DNAJC18: variants seen among roughly 807,000 people sequenced by gnomAD.
DNAJC18 encodes the protein DnaJ heat shock protein family (Hsp40) member C18.
Under a neutral mutation model 48.6 loss-of-function variants are expected in DNAJC18, and 40 were observed. The observed-to-expected ratio is 0.82, with a 90% CI of 0.64 to 1.07. The LOEUF (loss-of-function observed/expected upper bound fraction) is 1.07. Ranked by LOEUF, DNAJC18 falls within the 50% of genes least tolerant of loss-of-function variation. The pLI is 0.00. For missense variants in DNAJC18, 340 were observed against 427.7 expected, an observed-to-expected ratio of 0.79 and a Z score of 1.81; for synonymous variants, 135 against 152.2, an observed-to-expected ratio of 0.89 and a Z score of 0.83.
intron 2 of DNAJC18, among the ~76,000 whole-genome samples, chr5:139,435,704 A>ATTTTTTTTTTTTTTTTT (rs1561470246): frequency 9.9e-5 from 2 of 20,138 alleles, no homozygotes; most frequent in African/African-American, 2.4e-4. Flanking sequence ...CTTCATTGGA[A>ATTTTTTTTTTTTTTTTT]GTTTTTTTTT....
chr5:139,428,834 T>A, intron 2 of DNAJC18, 151 bp from the exon 3 acceptor site: 1 of 988,964 alleles, frequency 1.0e-6, no homozygotes, highest in Non-Finnish European at 1.4e-6. Context: ...TCAAATTCAT[T>A]AACAATGTCC....
intron 7 of DNAJC18, among the ~76,000 whole-genome samples, chr5:139,415,696 T>A (rs755954535): frequency 6.6e-6 from 1 of 152,238 alleles, no homozygotes; most frequent in Non-Finnish European, 1.5e-5. Flanking sequence ...GGCTCGGCAC[T>A]AACTCCAATC....
intron 2 of DNAJC18, 125 bp from the exon 3 acceptor site, chr5:139,428,808 C>G: frequency 8.7e-7 from 1 of 1,152,340 alleles, no homozygotes; most frequent in African/African-American, 1.6e-5. Flanking sequence ...AATTAGTGCA[C>G]ACGTTAATGA....
rs549053712 is a variant in DNAJC18 at position 139,414,087 on chromosome 5, A to G, written c.*61T>C. The stretch of plus-strand genomic sequence containing the variant: ...ACCTAGTTTTGTATTATAAAATGGA[A>G]TCAGGAACATAAATAGGAACAAGTA... On this transcript the variant is annotated 3_prime_UTR_variant, in exon 8 of 8. Transcript: ENST00000302060. 49 of 1,574,836 alleles carry G rather than the reference A, an allele frequency of 3.1e-5. No homozygotes were observed. The African/African-American group carries it at 6.3e-4, about 20-fold the overall frequency.
At chr5:139,430,070 T>C (rs1184648562) in intron 2 of DNAJC18, among the ~76,000 whole-genome samples, 1 of 152,200 alleles carries the variant, frequency 6.6e-6, no homozygotes, top group Non-Finnish European at 1.5e-5. Context: ...CGTTTTATAC[T>C]CTTAAAAATT....
At chr5:139,436,171 A>G (rs566178243) in intron 2 of DNAJC18, among the ~76,000 whole-genome samples, 13 of 151,976 alleles carry the variant, frequency 8.6e-5, no homozygotes, top group Admixed American at 4.6e-4. Flanking sequence ...CTGTAACCTC[A>G]GATTCCTAGG....
intron 6 of DNAJC18, 30 bp downstream of exon 6, chr5:139,422,678 C>T (rs1410813883): frequency 6.6e-7 from 1 of 1,510,146 alleles, no homozygotes; most frequent in African/African-American, 1.4e-5. Context: ...CAGACTGTTA[C>T]TGAGAAAGAT....
chr5:139,425,641 A>T (rs1171657269), intron 4 of DNAJC18, among the ~76,000 whole-genome samples: 1 of 152,182 alleles, frequency 6.6e-6, no homozygotes, highest in Non-Finnish European at 1.5e-5. Context: ...AGTGAGAGAG[A>T]ACCCCGAAAG....
chr5:139,426,166 A>G lies in DNAJC18; in HGVS notation c.559+6T>C, dbSNP rs773734084. On this transcript the variant is annotated splice_donor_region_variant and intron_variant, in intron 4 of 7. Transcript: ENST00000302060. ...TGTTTAAGAATGATAATTTGGGGAGACTAACCTGTAGGAAAATGTCCTCCA... is the reference window on the plus strand; with the variant it reads ...TGTTTAAGAATGATAATTTGGGGAGGCTAACCTGTAGGAAAATGTCCTCCA... The G allele has an allele frequency of 9.9e-6, 16 of 1,612,774 alleles. No individual in the cohort carries two copies. The South Asian group carries it at 1.1e-4, about 11-fold the overall frequency.
chr5:139,429,038 C>A (rs1759288947), intron 2 of DNAJC18, among the ~76,000 whole-genome samples: 1 of 150,480 alleles, frequency 6.6e-6, no homozygotes, highest in African/African-American at 2.4e-5. Context: ...ATAATTTTTT[C>A]TCTCTTTTTC....
At chr5:139,422,648 AC>A in intron 6 of DNAJC18, 59 bp downstream of exon 6, 1 of 1,271,984 alleles carries the variant, frequency 7.9e-7, no homozygotes, top group South Asian at 1.3e-5. Context: ...TATCAGCAAA[AC>A]CTTCAAGTCT....
intron 4 of DNAJC18, among the ~76,000 whole-genome samples, chr5:139,425,320 T>C (rs752762061): frequency 2.6e-5 from 4 of 152,138 alleles, no homozygotes; most frequent in Non-Finnish European, 4.4e-5. Context: ...CCCGCCACCA[T>C]GCCTGGCTAA....
chr5:139,425,081 T>C lies in DNAJC18; in HGVS notation c.593A>G (p.Asp198Gly), dbSNP rs1581417589. 2 of 1,613,028 alleles carry C rather than the reference T, an allele frequency of 1.2e-6. No homozygotes were observed. Among genetic ancestry groups the C allele is most frequent in the Middle Eastern group, 3.3e-4 (2 of 6,056 alleles). Residue 198 changes from aspartate to glycine, a missense_variant, in exon 5 of 8, where the codon GAC (aspartate) becomes GGC (glycine). Asp to Gly is a moderately conservative substitution (Grantham distance 94, BLOSUM62 -1). Coordinates refer to ENST00000302060, the MANE Select transcript of DNAJC18 (RefSeq NM_152686.4). Reference protein sequence around the residue: ...NIHMFSNVTDDTYYYRRRHRH... With the variant: ...NIHMFSNVTDGTYYYRRRHRH... ...GTGCCGTCGACGGTAATAGTAAGTG[T>C]CATCTGTCACATTTGAAAACATATG...
Position 139,411,297 on chromosome 5 carries a change from G to C in DNAJC18, c.*2851C>G, listed in dbSNP as rs1758990403. On this transcript the variant is annotated 3_prime_UTR_variant, in exon 8 of 8. Transcript: ENST00000302060. The stretch of plus-strand genomic sequence containing the variant: ...TTTTCTCACTGCCGATCGTGCGGTA[G>C]AGAGAGCATCTTCATTTGAATGAGA... The C allele has an allele frequency of 6.6e-6, 1 of 152,222 alleles. No homozygotes were observed. The highest frequency in any genetic ancestry group is 2.4e-5 in the African/African-American group (1 of 41,458). The allele number at this position is 152,222 out of a possible 1,614,324, so 9.4% of individuals were successfully genotyped here. A position where few individuals can be genotyped will look rare whatever the true frequency, so the allele number is the denominator to read the frequency against.
At chr5:139,418,625 A>G (rs1386119169) in intron 7 of DNAJC18, 1 of 370,300 alleles carries the variant, frequency 2.7e-6, no homozygotes, top group East Asian at 7.3e-5. Flanking sequence ...ATTGCTCACC[A>G]ACTTCCTAAT....
At position 139,412,741 on chromosome 5, in the gene DNAJC18, G is replaced by A. The variant is rs1194135860; in HGVS notation, c.*1407C>T. The stretch of plus-strand genomic sequence containing the variant: ...TCTTCCTAGTCACCAGTGGAGGGCT[G>A]CCTGCCTGTGAGGGACCTCTTATTT... On this transcript the variant is annotated 3_prime_UTR_variant, in exon 8 of 8. Transcript: ENST00000302060. 4 of 398,548 alleles carry A rather than the reference G, an allele frequency of 1.0e-5. No homozygotes were observed. The highest frequency in any genetic ancestry group is 8.2e-5 in the African/African-American group (4 of 48,626). 24.7% of individuals were successfully genotyped at this position (398,548 alleles called of 1,614,324 possible).
chr5:139,421,175 G>C (rs1759146301), intron 6 of DNAJC18, among the ~76,000 whole-genome samples: 1 of 152,214 alleles, frequency 6.6e-6, no homozygotes, highest in South Asian at 2.1e-4. Flanking sequence ...CTCTATGAAG[G>C]CTAGGTGCAG....
chr5:139,424,924 T>G lies in DNAJC18; in HGVS notation c.669+81A>C, dbSNP rs1759211663. 3 of 1,183,168 alleles carry G rather than the reference T, an allele frequency of 2.5e-6. 1 individual carries two copies. In the South Asian group the frequency reaches 3.8e-5, roughly 15 times the overall value. The allele number at this position is 1,183,168 out of a possible 1,614,324, so 73.3% of individuals were successfully genotyped here. On this transcript the variant is annotated intron_variant, in intron 5 of 7. Coordinates refer to ENST00000302060, the MANE Select transcript of DNAJC18 (RefSeq NM_152686.4). ...TAAAGCAACATATCTCAGGTTCAAC[T>G]TCTAAAACTTGACCATGTACCATCA...
At position 139,424,785 on chromosome 5, in the gene DNAJC18, T is replaced by C. The variant is rs375534382; in HGVS notation, c.669+220A>G. 4.9e-5 allele frequency among the ~76,000 whole-genome samples: 7 copies of C among 143,664 alleles called. No individual in the cohort carries two copies. The East Asian group carries it at 8.3e-4, about 17-fold the overall frequency. 94.2% of individuals were successfully genotyped at this position (143,664 alleles called of 152,430 possible). On this transcript the variant is annotated intron_variant, in intron 5 of 7. Coordinates refer to ENST00000302060, the MANE Select transcript of DNAJC18 (RefSeq NM_152686.4). Reference sequence around the variant, plus strand: ...AAGTCAGCCCCACAGATTGCTGAGATTCTGGGAGAGCCACCCAAGAATGGG... The same window carrying C: ...AAGTCAGCCCCACAGATTGCTGAGACTCTGGGAGAGCCACCCAAGAATGGG...
Sources: allele counts gnomAD v4.1 joint callset (sites outside exome capture counted in the v4.1 genomes callset), GRCh38; gene constraint gnomAD v4.1.1; transcripts MANE v1.5; gene names NCBI Gene and HGNC (gene_info 2026-07-23, HGNC 2026-07-21).